Variants in NEK1 observed in about 807,000 individuals in gnomAD.
NEK1 encodes the protein serine/threonine-protein kinase Nek1.
NEK1 carries 137 observed loss-of-function variants against 182.1 expected under a neutral mutation model. That is an observed-to-expected ratio of 0.75 (90% CI 0.65 to 0.87). The LOEUF is 0.87. NEK1 is among the 40% of genes least tolerant of loss of function. The pLI is 0.00. For missense variants in NEK1, 1,391 were observed against 1,494.4 expected (o/e 0.93, Z 1.14); for synonymous variants, 513 against 492.2 (o/e 1.04, Z -0.56).
chr4:169,518,927 T>A (rs1476036587), intron 19 of NEK1, among the ~76,000 whole-genome samples: 13 of 64,146 alleles, frequency 2.0e-4, no homozygotes, highest in Admixed American at 1.9e-3. Context: ...TACTTCCAAC[T>A]ATGTGGTCAA....
chr4:169,430,209 G>A (rs1737162884), intron 29 of NEK1, among the ~76,000 whole-genome samples: 1 of 152,038 alleles, frequency 6.6e-6, no homozygotes, highest in South Asian at 2.1e-4. Flanking sequence ...TTTTGACAGA[G>A]TCTCACTCTG....
At chr4:169,589,603 T>TA in intron 6 of NEK1, 89 bp from the exon 7 acceptor site, 11 of 874,754 alleles carry the variant, frequency 1.3e-5, no homozygotes, top group Non-Finnish European at 1.6e-5. Context: ...AAAATCCAGT[T>TA]AAAAAAATTG....
At chr4:169,492,457 C>T (rs1393595139) in intron 23 of NEK1, among the ~76,000 whole-genome samples, 1 of 151,992 alleles carries the variant, frequency 6.6e-6, no homozygotes, top group Non-Finnish European at 1.5e-5. Flanking sequence ...TGTGTCTCTG[C>T]TCCCCTCACC....
chr4:169,477,631 TAAC>T (rs1286532148), intron 24 of NEK1, 134 bp from the exon 25 acceptor site: 1 of 630,606 alleles, frequency 1.6e-6, no homozygotes, highest in African/African-American at 1.9e-5. Context: ...TATAAAATGT[TAAC>T]AAAGCTTCCT....
intron 18 of NEK1, among the ~76,000 whole-genome samples, chr4:169,548,033 C>T: frequency 6.6e-6 from 1 of 152,164 alleles, no homozygotes; most frequent in East Asian, 1.9e-4. Context: ...AGTTGTGATC[C>T]TTTGGAGGAG....
At chr4:169,494,244 C>T (rs557378459) in intron 23 of NEK1, among the ~76,000 whole-genome samples, 2 of 152,102 alleles carry the variant, frequency 1.3e-5, no homozygotes, top group African/African-American at 4.8e-5. Context: ...GCTATCCCTC[C>T]CCACTACCCC....
chr4:169,550,239 T>C lies in NEK1; in HGVS notation c.1562+5481A>G, dbSNP rs80143174. Among the ~76,000 whole-genome samples the C allele has an allele frequency of 3.5e-3, 529 of 152,280 alleles. 1 individual carries two copies. The highest frequency in any genetic ancestry group is 6.0e-3 in the Non-Finnish European group (405 of 68,028). On this transcript the variant is annotated intron_variant, in intron 18 of 35. Coordinates refer to ENST00000507142, the MANE Select transcript of NEK1 (RefSeq NM_001199397.3). ...CCCTACACATGCTCTCTCTCTTGTC[T>C]GCTGCAAGACATGACTTTACTTCTC...
chr4:169,565,299 T>A (rs1176439943), intron 12 of NEK1, among the ~76,000 whole-genome samples: 1 of 152,206 alleles, frequency 6.6e-6, no homozygotes, highest in African/African-American at 2.4e-5. Flanking sequence ...TCACTATATG[T>A]ATAGCAGACC....
chr4:169,529,390 A>G (rs1757350885), intron 19 of NEK1, among the ~76,000 whole-genome samples: 1 of 152,188 alleles, frequency 6.6e-6, no homozygotes, highest in African/African-American at 2.4e-5. Flanking sequence ...TGATTAAGGG[A>G]GTACATTTTA....
In NEK1 at chr4:169,438,257, T is replaced by C. The variant is rs1287254844; in HGVS notation, c.2590A>G (p.Ile864Val). 2.6e-6 allele frequency: 4 copies of C among 1,527,888 alleles called. No individual in the cohort carries two copies. The highest frequency in any genetic ancestry group is 2.6e-6 in the Non-Finnish European group (3 of 1,135,120). 94.6% of individuals were successfully genotyped at this position (1,527,888 alleles called of 1,614,324 possible). Residue 864 changes from isoleucine (I) to valine (V), a missense_variant and splice_region_variant, in exon 28 of 36, where the codon ATT becomes GTT. Physicochemically the swap from Ile to Val is conservative, Grantham distance 29. Around this residue, in one of 5 missense-constraint regions of NEK1, gnomAD observed 1,216 missense variants for 1,277.6 expected, o/e 0.95. Coordinates refer to ENST00000507142, the MANE Select transcript of NEK1 (RefSeq NM_001199397.3). ...LLENTTIRSE[I>V]SPEGEKYKPL... Reference sequence around the variant, plus strand: ...TTGTACTTTTCCCCTTCGGGAGAAATCTCTGTGAAAACAAAAAATAAAAAA... The same window carrying C: ...TTGTACTTTTCCCCTTCGGGAGAAACCTCTGTGAAAACAAAAAATAAAAAA...
intron 35 of NEK1, 70 bp downstream of exon 35, chr4:169,400,155 T>C: frequency 7.3e-7 from 1 of 1,361,228 alleles, no homozygotes; most frequent in African/African-American, 1.4e-5. Context: ...GTAAGCTGAT[T>C]CATATACATG....
At chr4:169,589,576 C>T (rs1248273601) in intron 6 of NEK1, 62 bp from the exon 7 acceptor site, 4 of 1,025,052 alleles carry the variant, frequency 3.9e-6, no homozygotes, top group African/African-American at 3.3e-5. Context: ...TCTAAGTCAA[C>T]ATTTTTCATA....
chr4:169,494,369 T>G (rs1440836186), intron 23 of NEK1, among the ~76,000 whole-genome samples: 3 of 152,178 alleles, frequency 2.0e-5, no homozygotes, highest in African/African-American at 7.2e-5. Context: ...GTCCTTGTGA[T>G]AGTTTGCTGA....
intron 29 of NEK1, among the ~76,000 whole-genome samples, chr4:169,428,599 CAGAT>C (rs1439764802): frequency 6.6e-6 from 1 of 151,496 alleles, no homozygotes; most frequent in Admixed American, 6.6e-5. Flanking sequence ...GATTGCTTAA[CAGAT>C]AGAGAGGTGG....
chr4:169,576,527 T>C (rs1390379810), intron 12 of NEK1: 1 of 157,448 alleles, frequency 6.4e-6, no homozygotes, highest in African/African-American at 2.4e-5. Flanking sequence ...ACAGAGTAGA[T>C]TATATGATCA....
chr4:169,575,899 C>G (rs1046638353), intron 12 of NEK1, among the ~76,000 whole-genome samples: 2 of 152,002 alleles, frequency 1.3e-5, no homozygotes, highest in East Asian at 3.9e-4. Flanking sequence ...TCTGCTATTA[C>G]TGCATGCTTT....
At chr4:169,395,932 C>G (rs969290311) in intron 35 of NEK1, among the ~76,000 whole-genome samples, 1 of 152,136 alleles carries the variant, frequency 6.6e-6, no homozygotes, top group Non-Finnish European at 1.5e-5. Context: ...TTCAACTCAT[C>G]ATGTTTGTGG....
At chr4:169,401,933 T>A in intron 32 of NEK1, 73 bp from the exon 33 acceptor site, 1 of 1,290,730 alleles carries the variant, frequency 7.7e-7, no homozygotes, top group Non-Finnish European at 1.1e-6. Context: ...TAAAACTACC[T>A]CATACTGAAA....
chr4:169,508,613 T>C (rs1375013674), intron 20 of NEK1, among the ~76,000 whole-genome samples, 156 bp downstream of exon 20: 1 of 152,102 alleles, frequency 6.6e-6, no homozygotes, highest in Admixed American at 6.6e-5. Context: ...GGGGCAAAAT[T>C]ATAACACAGA....
Sources: gnomAD v4.1 joint callset for allele counts (sites outside exome capture counted in the v4.1 genomes callset) on GRCh38, gnomAD v4.1.1 for gene constraint, gnomAD v4.1.1 regional missense constraint, MANE v1.5 for transcripts, NCBI Gene and HGNC (gene_info 2026-07-23, HGNC 2026-07-21) for gene names.